Variants in RFX3 observed in about 807,000 individuals in gnomAD.
The protein encoded by RFX3 is regulatory factor X3.
In RFX3, 14 loss-of-function variants were observed where a neutral mutation model predicts 98.6. The ratio of observed to expected loss-of-function variants is 0.14; its 90% CI spans 0.09 to 0.22. RFX3 has a LOEUF of 0.22. RFX3 is among the 10% of genes least tolerant of loss of function. The pLI, the probability that RFX3 is intolerant of heterozygous loss-of-function variation, is 1.00. For missense variants in RFX3, 639 were observed against 926.9 expected, an observed-to-expected ratio of 0.69 and a Z score of 4.03; for synonymous variants, 383 against 328.4, an observed-to-expected ratio of 1.17 and a Z score of -1.80.
intron 1 of RFX3, chr9:3,489,294 ACT>A (rs1850537610): frequency 4.7e-6 from 1 of 213,800 alleles, no homozygotes; most frequent in Non-Finnish European, 8.1e-6. Flanking sequence ...GCTTACAAGT[ACT>A]CACAGACACT....
chr9:3,464,946 G>A (rs1848069678), intron 1 of RFX3, among the ~76,000 whole-genome samples: 2 of 151,960 alleles, frequency 1.3e-5, no homozygotes, highest in African/African-American at 2.4e-5. Flanking sequence ...CGGTGGAAAG[G>A]TAAGTGTCTC....
chr9:3,432,816 T>A (rs965707436), intron 1 of RFX3, among the ~76,000 whole-genome samples: 3 of 152,186 alleles, frequency 2.0e-5, no homozygotes, highest in Admixed American at 6.5e-5. Flanking sequence ...GTTTCTTTTA[T>A]GACTTGGATG....
intron 7 of RFX3, among the ~76,000 whole-genome samples, chr9:3,281,961 G>A (rs1366524803): frequency 6.6e-6 from 1 of 151,766 alleles, no homozygotes; most frequent in African/African-American, 2.4e-5. Flanking sequence ...CTTTCAAAGT[G>A]GCTGAAAAAT....
intron 1 of RFX3, among the ~76,000 whole-genome samples, chr9:3,499,212 G>C (rs1815705526): frequency 2.0e-5 from 3 of 151,994 alleles, no homozygotes; most frequent in South Asian, 4.1e-4. Flanking sequence ...GGATATAAAT[G>C]AACTGAGCAA....
Position 3,489,699 on chromosome 9 carries a change from C to T in RFX3, c.-9+36048G>A, listed in dbSNP as rs1354405319. On this transcript the variant is annotated intron_variant, in intron 1 of 16. Coordinates refer to ENST00000617270, the MANE Select transcript of RFX3 (RefSeq NM_001282116.2). ...TGTGGCATATACACTTATTTGACTG[C>T]CATTTTAGAATGACAAACCCATACA... is the stretch of plus-strand genomic sequence containing the variant. Among the ~76,000 whole-genome samples the T allele has an allele frequency of 3.3e-5, 5 of 152,062 alleles. No individual in the cohort carries two copies. In the South Asian group the frequency reaches 8.3e-4, roughly 25 times the overall value.
intron 2 of RFX3, among the ~76,000 whole-genome samples, chr9:3,352,265 T>C (rs1238611498): frequency 1.3e-5 from 2 of 152,006 alleles, no homozygotes; most frequent in Non-Finnish European, 2.9e-5. Flanking sequence ...TGCATATATA[T>C]ATACATATCA....
chr9:3,434,420 C>A (rs935449029), intron 1 of RFX3, among the ~76,000 whole-genome samples: 9 of 152,162 alleles, frequency 5.9e-5, no homozygotes, highest in African/African-American at 1.9e-4. Context: ...GGTAGATTTT[C>A]TAATAAATGC....
intron 15 of RFX3, among the ~76,000 whole-genome samples, 177 bp from the exon 16 acceptor site, chr9:3,229,066 A>C (rs555325810): frequency 6.6e-6 from 1 of 152,236 alleles, no homozygotes; most frequent in African/African-American, 2.4e-5. Context: ...AAATTTGAAC[A>C]GTTTAAATTA....
intron 2 of RFX3, among the ~76,000 whole-genome samples, chr9:3,391,826 G>A (rs561886807): frequency 2.0e-5 from 3 of 152,208 alleles, no homozygotes; most frequent in Non-Finnish European, 2.9e-5. Flanking sequence ...CAACCCCTAC[G>A]CAGTAAGGTA....
At chr9:3,469,075 T>G (rs545812758) in intron 1 of RFX3, 1 of 351,744 alleles carries the variant, frequency 2.8e-6, no homozygotes, top group Admixed American at 3.3e-5. Context: ...AAAAAAACAT[T>G]CAAGTGAAAG....
At chr9:3,461,385 G>A (rs537494622) in intron 1 of RFX3, among the ~76,000 whole-genome samples, 1 of 151,918 alleles carries the variant, frequency 6.6e-6, no homozygotes, top group South Asian at 2.1e-4. Flanking sequence ...AATGTGCTTT[G>A]GATGAAAATA....
At chr9:3,342,145 A>G (rs1833957213) in intron 3 of RFX3, among the ~76,000 whole-genome samples, 1 of 152,240 alleles carries the variant, frequency 6.6e-6, no homozygotes, top group South Asian at 2.1e-4. Flanking sequence ...TGGATTTTAA[A>G]TTATTCAATG....
intron 14 of RFX3, among the ~76,000 whole-genome samples, chr9:3,251,074 G>C (rs545747838): frequency 6.6e-6 from 1 of 152,098 alleles, no homozygotes; most frequent in South Asian, 2.1e-4. Flanking sequence ...CCATCTTAAT[G>C]TTCAAGAATA....
At chr9:3,406,298 T>A (rs1841967703) in intron 1 of RFX3, among the ~76,000 whole-genome samples, 1 of 151,686 alleles carries the variant, frequency 6.6e-6, no homozygotes, top group Non-Finnish European at 1.5e-5. Flanking sequence ...TTTCTTCTGC[T>A]TGAAACAATT....
At chr9:3,418,890 T>C (rs988150199) in intron 1 of RFX3, among the ~76,000 whole-genome samples, 1 of 152,210 alleles carries the variant, frequency 6.6e-6, no homozygotes, top group African/African-American at 2.4e-5. Flanking sequence ...TGGAAACTTA[T>C]GTATTACATG....
intron 1 of RFX3, among the ~76,000 whole-genome samples, chr9:3,434,148 G>C (rs550415128): frequency 6.6e-6 from 1 of 152,138 alleles, no homozygotes; most frequent in Non-Finnish European, 1.5e-5. Flanking sequence ...GTATTTTTGA[G>C]TAACAAGGCT....
intron 15 of RFX3, among the ~76,000 whole-genome samples, chr9:3,241,813 G>C (rs1819966134): frequency 6.6e-6 from 1 of 152,116 alleles, no homozygotes; most frequent in South Asian, 2.1e-4. Flanking sequence ...AATTTGCTTA[G>C]ACTAATATTC....
chr9:3,447,326 A>G (rs371997990), intron 1 of RFX3, among the ~76,000 whole-genome samples: 1 of 152,176 alleles, frequency 6.6e-6, no homozygotes, highest in African/African-American at 2.4e-5. Flanking sequence ...TCCATTAAGT[A>G]TAATCATTTT....
intron 7 of RFX3, among the ~76,000 whole-genome samples, chr9:3,285,483 C>T (rs2131549845): frequency 6.6e-6 from 1 of 151,748 alleles, no homozygotes; most frequent in East Asian, 1.9e-4. Context: ...TCTTTCCTGT[C>T]TAAATATTTC....
Sources: gnomAD v4.1 joint callset for allele counts (sites outside exome capture counted in the v4.1 genomes callset) on GRCh38, gnomAD v4.1.1 for gene constraint, MANE v1.5 for transcripts, NCBI Gene and HGNC (gene_info 2026-07-23, HGNC 2026-07-21) for gene names.